The following MTOR variants were observed in gnomAD, a reference collection of about 807,000 sequenced individuals.
MTOR encodes the protein mechanistic target of rapamycin kinase.
MTOR carries 70 observed loss-of-function variants against 319.8 expected under a neutral mutation model. The observed-to-expected ratio is 0.22, with a 90% CI of 0.18 to 0.27. The LOEUF is 0.27. Among genes scored for constraint, MTOR ranks in the 10% least tolerant of loss-of-function variants. MTOR has a pLI of 1.00. For synonymous variants in MTOR, 1,183 were observed against 1,211.4 expected (o/e 0.98, Z 0.49); for missense variants, 1,890 against 3,274.4 (o/e 0.58, Z 10.32).
At chr1:11,141,685 T>TA (rs1300725496) in intron 34 of MTOR, among the ~76,000 whole-genome samples, 59 of 133,038 alleles carry the variant, frequency 4.4e-4, no homozygotes, top group East Asian at 1.6e-3. Context: ...TCTTTATAAT[T>TA]AAAAAAAAAA....
At position 11,247,659 on chromosome 1, in the gene MTOR, G is replaced by C. The variant is rs1472999878; in HGVS notation, c.1191C>G (p.Pro397=). Residue 397 remains proline, a synonymous_variant, in exon 8 of 58, where the codon CCC becomes CCG. Transcript: ENST00000361445. ...CAGAAGGTCGGAATGCAGCCAAGCG[G>C]GGCAACAAATTAAGGATTGTCATTT... ...LIQMTILNLL[P]RLAAFRPSAF... is the part of the protein sequence containing the mutation. 2 of 1,613,988 alleles carry C rather than the reference G, an allele frequency of 1.2e-6. No individual in the cohort carries two copies. Among genetic ancestry groups the C allele is most frequent in the Non-Finnish European group, 1.7e-6 (2 of 1,180,032 alleles).
chr1:11,193,949 AC>A (rs5772444), intron 28 of MTOR, among the ~76,000 whole-genome samples: 128,615 of 152,068 alleles, frequency 0.85, 54,880 homozygotes, highest in African/African-American at 0.96. Flanking sequence ...CCTTTCTGCA[AC>A]CCCCCCAACC....
At chr1:11,168,170 T>C (rs2100613242) in intron 28 of MTOR, among the ~76,000 whole-genome samples, 2 of 151,880 alleles carry the variant, frequency 1.3e-5, no homozygotes, top group South Asian at 4.2e-4. Flanking sequence ...GATACGAAAT[T>C]ATCCCTGTTG....
intron 6 of MTOR, among the ~76,000 whole-genome samples, chr1:11,250,066 T>G (rs1475014942): frequency 3.7e-5 from 5 of 133,344 alleles, no homozygotes; most frequent in African/African-American, 1.4e-4. Context: ...CACACCTCCC[T>G]CCCGGACGGG....
At chr1:11,108,316 T>G in intron 56 of MTOR, 30 bp from the exon 57 acceptor site, 1 of 1,552,994 alleles carries the variant, frequency 6.4e-7, no homozygotes. Flanking sequence ...AACATTTCAC[T>G]CTCTTCCTGG....
At chr1:11,175,794 G>A (rs1026767643) in intron 28 of MTOR, among the ~76,000 whole-genome samples, 1 of 148,510 alleles carries the variant, frequency 6.7e-6, no homozygotes, top group Non-Finnish European at 1.5e-5. Flanking sequence ...ACCCAGACTG[G>A]AGTGCAGTGG....
chr1:11,162,048 C>T (rs143057027), intron 29 of MTOR, among the ~76,000 whole-genome samples: 15 of 152,170 alleles, frequency 9.9e-5, no homozygotes, highest in South Asian at 2.1e-4. Flanking sequence ...AAAGATGAGA[C>T]GAATGGCTAA....
In MTOR at chr1:11,154,769, A is replaced by G. The variant is rs369937610; in HGVS notation, c.4469+2383T>C. The stretch of plus-strand genomic sequence containing the variant: ...GAGGCTGAGGTGGGAGGATTGCTTG[A>G]GTCCAGGAGTTCAAGACCACAGTGA... On this transcript the variant is annotated intron_variant, in intron 30 of 57. Transcript: ENST00000361445. Among the ~76,000 whole-genome samples the G allele has an allele frequency of 3.1e-3, 467 of 152,220 alleles. 2 individuals are homozygous for G. Among genetic ancestry groups the G allele is most frequent in the South Asian group, 0.011 (53 of 4,828 alleles).
At position 11,199,480 on chromosome 1, in the gene MTOR, C is replaced by CCA; in HGVS notation, c.4107+60_4107+61insTG. 6.2e-7 allele frequency: 1 copy of CCA among 1,613,548 alleles called. No individual in the cohort carries two copies. The highest frequency in any genetic ancestry group is 8.5e-7 in the Non-Finnish European group (1 of 1,179,478). On this transcript the variant is annotated intron_variant, in intron 27 of 57. Transcript: ENST00000361445. This position sits in a 1 kb window ranked among gnomAD's most constrained non-coding sequence, Gnocchi z 4.5. ...ACAAGAGAAGGCTGTGTGGATGCTTCTCTCCTCCCACCAGCTGGTTCCCTG... is the reference window on the plus strand; with the variant it reads ...ACAAGAGAAGGCTGTGTGGATGCTTCCATCTCCTCCCACCAGCTGGTTCCCTG...
In MTOR at chr1:11,164,160, C is replaced by T. The variant is rs182898414; in HGVS notation, c.4329+3282G>A. Among the ~76,000 whole-genome samples, 155 of 151,956 alleles carry T rather than the reference C, an allele frequency of 1.0e-3. 1 individual carries two copies. The highest frequency in any genetic ancestry group is 3.4e-3 in the African/African-American group (140 of 41,460). On this transcript the variant is annotated intron_variant, in intron 29 of 57. Transcript: ENST00000361445. Reference sequence around the variant, plus strand: ...GAGATCAAGACCATCCTGGCTAACACGGTGAAACCCCATCTCTATAAAAAA... The same window carrying T: ...GAGATCAAGACCATCCTGGCTAACATGGTGAAACCCCATCTCTATAAAAAA...
intron 54 of MTOR, among the ~76,000 whole-genome samples, chr1:11,111,906 T>C (rs1641901988): frequency 6.6e-6 from 1 of 151,004 alleles, no homozygotes; most frequent in Non-Finnish European, 1.5e-5. Flanking sequence ...AGGGGTGGGA[T>C]GGGGAGTGCG....
At chr1:11,116,384 G>A (rs956982935) in intron 50 of MTOR, among the ~76,000 whole-genome samples, 4 of 152,076 alleles carry the variant, frequency 2.6e-5, no homozygotes, top group African/African-American at 9.7e-5. Flanking sequence ...GTGCAATCAC[G>A]GCTCACTACA....
intron 49 of MTOR, among the ~76,000 whole-genome samples, chr1:11,119,792 AC>A (rs1642410057): frequency 6.6e-6 from 1 of 151,406 alleles, no homozygotes; most frequent in African/African-American, 2.4e-5. Flanking sequence ...AACAAAAAAA[AC>A]AAAAACAAAC....
chr1:11,145,623 G>A (rs1366180939), intron 32 of MTOR, among the ~76,000 whole-genome samples: 1 of 151,992 alleles, frequency 6.6e-6, no homozygotes, highest in Non-Finnish European at 1.5e-5. Flanking sequence ...AGCCTCCCAA[G>A]TAGCTGGGAT....
chr1:11,146,320 C>T (rs1322151769), intron 32 of MTOR, among the ~76,000 whole-genome samples: 1 of 152,148 alleles, frequency 6.6e-6, no homozygotes, highest in Admixed American at 6.5e-5. Flanking sequence ...GCCAGAAGAC[C>T]CTTGTGACTG....
intron 6 of MTOR, among the ~76,000 whole-genome samples, chr1:11,252,787 C>G (rs1016583481): frequency 1.3e-5 from 2 of 152,186 alleles, no homozygotes; most frequent in African/African-American, 4.8e-5. Context: ...GCTTTACCTC[C>G]CAAATATATC....
intron 19 of MTOR, among the ~76,000 whole-genome samples, chr1:11,225,687 G>C (rs574738309): frequency 1.3e-5 from 2 of 152,144 alleles, no homozygotes; most frequent in African/African-American, 2.4e-5. Context: ...CTCCCAAAGT[G>C]CTGGGATTAT....
rs1216307362 is a variant in MTOR, at chr1:11,212,636, A to T, written c.3398+160T>A. Among the ~76,000 whole-genome samples, 1 of 152,236 alleles carries T rather than the reference A, an allele frequency of 6.6e-6. No individual in the cohort carries two copies. Among genetic ancestry groups the T allele is most frequent in the Admixed American group, 6.5e-5 (1 of 15,278 alleles). On this transcript the variant is annotated intron_variant, in intron 22 of 57. Coordinates refer to ENST00000361445, the MANE Select transcript of MTOR (RefSeq NM_004958.4). This position sits in a 1 kb window ranked among gnomAD's most constrained non-coding sequence, Gnocchi z 4.1. ...CAACATTTATTCCAATGGGATAGGG[A>T]CAGTTAAGATTTCCATAAACCTGGG... is the stretch of plus-strand genomic sequence containing the variant.
Position 11,128,623 on chromosome 1 carries a change from T to A in MTOR, c.5812-71A>T, listed in dbSNP as rs1642967086. On this transcript the variant is annotated intron_variant, in intron 41 of 57. Transcript: ENST00000361445. This position sits in a 1 kb window ranked among gnomAD's most constrained non-coding sequence, Gnocchi z 5.3. The stretch of plus-strand genomic sequence containing the variant: ...AACTAGTTATTCTTCTAGGCAAAGA[T>A]CAATTCTTTTAACTTGTTTCGGTTG... The A allele has an allele frequency of 2.8e-6, 4 of 1,439,452 alleles. No homozygotes were observed. The highest frequency in any genetic ancestry group is 3.9e-6 in the Non-Finnish European group (4 of 1,025,110). The allele number at this position is 1,439,452 out of a possible 1,614,324, so 89.2% of individuals were successfully genotyped here. A position where few individuals can be genotyped will look rare whatever the true frequency, so the allele number is the denominator to read the frequency against.
Sources: gnomAD v4.1 joint callset for allele counts (sites outside exome capture counted in the v4.1 genomes callset) on GRCh38, gnomAD v4.1.1 for gene constraint, Gnocchi (gnomAD v3.1) non-coding constraint, MANE v1.5 for transcripts, NCBI Gene and HGNC (gene_info 2026-07-23, HGNC 2026-07-21) for gene names.